ASTN2: variants seen among roughly 807,000 people sequenced by gnomAD.
ASTN2 encodes the protein astrotactin 2.
A neutral mutation model predicts 139.8 loss-of-function variants in ASTN2; 54 were observed. The observed-to-expected ratio is 0.39, with a 90% CI of 0.31 to 0.48. ASTN2 has a LOEUF of 0.48. Ranked by LOEUF, ASTN2 falls within the 20% of genes least tolerant of loss-of-function variation. ASTN2 has a pLI of 0.95. For missense variants in ASTN2, 1,565 were observed against 1,725.1 expected (o/e 0.91, Z 1.64); for synonymous variants, 756 against 719.5 (o/e 1.05, Z -0.81).
chr9:116,434,622 G>A (rs1020248502), intron 22 of ASTN2, among the ~76,000 whole-genome samples: 4 of 152,198 alleles, frequency 2.6e-5, no homozygotes, highest in Non-Finnish European at 4.4e-5. Context: ...AGCTTGCTGT[G>A]TCCTCTCTAC....
At chr9:116,964,319 G>A (rs752774790) in intron 10 of ASTN2, among the ~76,000 whole-genome samples, 24 of 149,850 alleles carry the variant, frequency 1.6e-4, no homozygotes, top group Non-Finnish European at 3.1e-4. Context: ...AGTAAGATAC[G>A]CTAAGGGAAA....
intron 17 of ASTN2, among the ~76,000 whole-genome samples, chr9:116,636,224 T>C (rs1003858007): frequency 7.2e-5 from 11 of 152,192 alleles, no homozygotes; most frequent in Admixed American, 3.3e-4. Context: ...ATACCTACTA[T>C]GTATATGGCA....
At chr9:117,372,575 A>G (rs1455875512) in intron 1 of ASTN2, among the ~76,000 whole-genome samples, 4 of 152,192 alleles carry the variant, frequency 2.6e-5, no homozygotes, top group African/African-American at 9.7e-5. Flanking sequence ...ACTGGATATA[A>G]TAACAGTACG....
chr9:116,449,775 G>A (rs189166580), intron 20 of ASTN2, among the ~76,000 whole-genome samples: 1 of 152,264 alleles, frequency 6.6e-6, no homozygotes, highest in African/African-American at 2.4e-5. Flanking sequence ...TAAGAAATTT[G>A]AGTGCCCTGA....
chr9:116,508,735 C>A (rs1381557052), intron 19 of ASTN2, among the ~76,000 whole-genome samples: 1 of 152,156 alleles, frequency 6.6e-6, no homozygotes, highest in Non-Finnish European at 1.5e-5. Flanking sequence ...CTATAAAGAT[C>A]TAAGATCTGG....
At chr9:116,625,791 T>C (rs1168907004) in intron 17 of ASTN2, among the ~76,000 whole-genome samples, 5 of 152,098 alleles carry the variant, frequency 3.3e-5, no homozygotes, top group Non-Finnish European at 7.4e-5. Flanking sequence ...TGGTCTGAAG[T>C]GCCCTTTTTC....
chr9:117,242,367 T>G (rs974185535), intron 2 of ASTN2, among the ~76,000 whole-genome samples: 2 of 152,134 alleles, frequency 1.3e-5, no homozygotes, highest in Non-Finnish European at 2.9e-5. Context: ...TTTCTCCCTG[T>G]ACCAAATGAG....
intron 19 of ASTN2, among the ~76,000 whole-genome samples, chr9:116,573,797 C>G (rs1853617189): frequency 6.6e-6 from 1 of 152,196 alleles, no homozygotes; most frequent in Admixed American, 6.5e-5. Flanking sequence ...GTGACAGCAA[C>G]ACTCAATACC....
At chr9:116,803,531 T>A (rs1476762073) in intron 13 of ASTN2, among the ~76,000 whole-genome samples, 61 of 109,160 alleles carry the variant, frequency 5.6e-4, no homozygotes, top group Admixed American at 1.4e-3. Context: ...TATTTTTTTT[T>A]TTTTTTTTTT....
intron 1 of ASTN2, 152 bp from the exon 2 acceptor site, chr9:117,291,665 C>G (rs565413887): frequency 1.0e-4 from 65 of 634,726 alleles, no homozygotes; most frequent in Admixed American, 7.6e-4. Flanking sequence ...TAGGGATCAT[C>G]ACTTTCATTT....
chr9:116,442,573 C>T lies in ASTN2; in HGVS notation c.3498-20G>A. 1 of 1,607,510 alleles carries T rather than the reference C, an allele frequency of 6.2e-7. No individual in the cohort carries two copies. Among genetic ancestry groups the T allele is most frequent in the Non-Finnish European group, 8.5e-7 (1 of 1,173,950 alleles). On this transcript the variant is annotated intron_variant, in intron 20 of 22. Transcript: ENST00000313400. ...GTGAACCTGCAGCACAGCAAGAAAA[C>T]AGAGCACCAGGCTGTGACTTCACAG... is the stretch of plus-strand genomic sequence containing the variant.
intron 16 of ASTN2, among the ~76,000 whole-genome samples, chr9:116,654,279 A>T (rs1858087443): frequency 6.6e-6 from 1 of 152,240 alleles, no homozygotes; most frequent in Non-Finnish European, 1.5e-5. Context: ...CAAGGACAGA[A>T]TTGAGTAGTT....
At chr9:117,177,695 G>C (rs1830951457) in intron 3 of ASTN2, among the ~76,000 whole-genome samples, 1 of 152,168 alleles carries the variant, frequency 6.6e-6, no homozygotes. Flanking sequence ...CTTAATTTGG[G>C]AGGATTGCTA....
chr9:117,107,015 A>G (rs1223490504), intron 4 of ASTN2, among the ~76,000 whole-genome samples: 4 of 152,200 alleles, frequency 2.6e-5, no homozygotes, highest in Non-Finnish European at 5.9e-5. Context: ...TTCTCTGAAT[A>G]TTGAGATATT....
In ASTN2 at chr9:116,958,489, T is replaced by C. The variant is rs534708085; in HGVS notation, c.1889+16719A>G. ...CTGTAGTCCCAGCTACTCAGGAAGCTGAGGCAGAAGAATGGCATGAACCCG... is the reference window on the plus strand; with the variant it reads ...CTGTAGTCCCAGCTACTCAGGAAGCCGAGGCAGAAGAATGGCATGAACCCG... On this transcript the variant is annotated intron_variant, in intron 10 of 22. Coordinates refer to ENST00000313400, the MANE Select transcript of ASTN2 (RefSeq NM_001365068.1). Among the ~76,000 whole-genome samples the C allele has an allele frequency of 7.9e-5, 12 of 152,136 alleles. No individual in the cohort carries two copies. The East Asian group carries it at 2.3e-3, about 30-fold the overall frequency.
chr9:116,948,783 G>GTGTTTTTTTTTTTTGTTT (rs1564355549), intron 10 of ASTN2, among the ~76,000 whole-genome samples: 2 of 49,402 alleles, frequency 4.0e-5, no homozygotes, highest in Non-Finnish European at 6.9e-5. Context: ...AAATAATTTG[G>GTGTTTTTTTTTTTTGTTT]TGTTTTTTTT....
chr9:117,131,335 G>T (rs1453668576), intron 4 of ASTN2, among the ~76,000 whole-genome samples: 1 of 152,134 alleles, frequency 6.6e-6, no homozygotes, highest in Non-Finnish European at 1.5e-5. Flanking sequence ...GAGATCAAAA[G>T]ACTGACAAAA....
intron 19 of ASTN2, among the ~76,000 whole-genome samples, chr9:116,580,617 C>CT (rs1463578706): frequency 3.9e-5 from 6 of 152,216 alleles, no homozygotes. Context: ...TTCCCGCTCT[C>CT]TTTTTCTGGC....
chr9:116,616,027 T>C (rs1166257488), intron 19 of ASTN2, among the ~76,000 whole-genome samples: 45 of 152,214 alleles, frequency 3.0e-4, no homozygotes, highest in Non-Finnish European at 1.5e-5. Context: ...TTACCACTTC[T>C]GTTCAATATA....
Sources: gnomAD v4.1 joint callset for allele counts (sites outside exome capture counted in the v4.1 genomes callset) on GRCh38, gnomAD v4.1.1 for gene constraint, MANE v1.5 for transcripts, NCBI Gene and HGNC (gene_info 2026-07-23, HGNC 2026-07-21) for gene names.